The following CPEB3 variants were observed in gnomAD, a reference collection of about 807,000 sequenced individuals.
The protein encoded by CPEB3 is cytoplasmic polyadenylation element binding protein 3, also known as cytoplasmic polyadenylation element-binding protein 3.
CPEB3 carries 20 observed loss-of-function variants against 67.2 expected under a neutral mutation model. The observed-to-expected ratio is 0.30, with a 90% CI of 0.21 to 0.43. The LOEUF is 0.43. Ranked by LOEUF, CPEB3 falls within the 20% of genes least tolerant of loss-of-function variation. The pLI is 1.00. For synonymous variants in CPEB3, 376 were observed against 393.1 expected (o/e 0.96, Z 0.51); for missense variants, 746 against 968.6 (o/e 0.77, Z 3.05).
intron 1 of CPEB3, among the ~76,000 whole-genome samples, chr10:92,269,556 C>T (rs1335431173): frequency 1.3e-5 from 2 of 151,902 alleles, no homozygotes; most frequent in Non-Finnish European, 2.9e-5. Flanking sequence ...GATGATTAAA[C>T]CTGAATTGTT....
At chr10:92,197,158 T>C (rs1849281204) in intron 2 of CPEB3, among the ~76,000 whole-genome samples, 1 of 152,164 alleles carries the variant, frequency 6.6e-6, no homozygotes, top group Admixed American at 6.5e-5. Flanking sequence ...TGAAAACATA[T>C]GACATGTGAA....
intron 4 of CPEB3, among the ~76,000 whole-genome samples, chr10:92,175,405 C>G (rs1272540554): frequency 1.3e-5 from 2 of 151,922 alleles, no homozygotes; most frequent in Admixed American, 6.6e-5. Flanking sequence ...AATATTCGCA[C>G]ATATGTCTTT....
intron 2 of CPEB3, among the ~76,000 whole-genome samples, chr10:92,236,077 T>C (rs997337047): frequency 2.0e-5 from 3 of 152,200 alleles, no homozygotes; most frequent in African/African-American, 7.2e-5. Flanking sequence ...TTCACATATA[T>C]AATTCCCCCC....
chr10:92,188,320 TAAAAAAAAAAAAAAA>T (rs756970118), intron 3 of CPEB3, among the ~76,000 whole-genome samples: 3 of 36,978 alleles, frequency 8.1e-5, no homozygotes, highest in Admixed American at 7.9e-4. Context: ...TAAGACATAG[TAAAAAAAAAAAAAAA>T]AAAAAAAAAA....
intron 4 of CPEB3, among the ~76,000 whole-genome samples, chr10:92,160,308 A>G (rs1847411160): frequency 6.6e-6 from 1 of 152,202 alleles, no homozygotes; most frequent in African/African-American, 2.4e-5. Context: ...AAGGGGATGC[A>G]TTCCAAAAAC....
intron 4 of CPEB3, among the ~76,000 whole-genome samples, chr10:92,155,471 T>C (rs538251428): frequency 2.8e-4 from 42 of 152,316 alleles, no homozygotes; most frequent in African/African-American, 1.0e-3. Flanking sequence ...AATGAATACA[T>C]CTCAGAGAAT....
rs943429286 is a variant in CPEB3 at position 92,239,758 on chromosome 10, T to C, written c.593A>G (p.Gln198Arg). 7.6e-5 allele frequency: 110 copies of C among 1,453,468 alleles called. No homozygotes were observed. The highest frequency in any genetic ancestry group is 9.8e-5 in the Non-Finnish European group (109 of 1,109,912). The allele number at this position is 1,453,468 out of a possible 1,614,324, so 90.0% of individuals were successfully genotyped here. ...QQRRSPASPS[Q>R]APYAQRSAAA... ...GGCGCTCCTCTGCGCGTAGGGCGCCTGGCTGGGGCTGGCGGGTGAGCGGCG... is the reference window on the plus strand; with the variant it reads ...GGCGCTCCTCTGCGCGTAGGGCGCCCGGCTGGGGCTGGCGGGTGAGCGGCG... The change falls in exon 2 of 10, where the codon CAG becomes CGG. Residue 198 changes from glutamine (Q) to arginine (R), a missense_variant. Transcript: ENST00000265997. The surrounding 1 kb of genome is among the most constrained non-coding windows in gnomAD (Gnocchi z 6.0).
chr10:92,289,756 T>TGTATTATATATTATAA, intron 1 of CPEB3, among the ~76,000 whole-genome samples: 1 of 121,030 alleles, frequency 8.3e-6, no homozygotes, highest in African/African-American at 3.6e-5. Context: ...TATATATATA[T>TGTATTATATATTATAA]ATGTATTATA....
intron 1 of CPEB3, among the ~76,000 whole-genome samples, chr10:92,270,472 T>C (rs1853256150): frequency 1.3e-5 from 2 of 151,104 alleles, no homozygotes; most frequent in Non-Finnish European, 1.5e-5. Context: ...AGAGTTCAAC[T>C]GGGAAACAGG....
At chr10:92,098,201 T>A (rs1372070259) in intron 7 of CPEB3, among the ~76,000 whole-genome samples, 1 of 116,432 alleles carries the variant, frequency 8.6e-6, no homozygotes. Context: ...AAAAAAAAAA[T>A]CTGTTCAATG....
intron 4 of CPEB3, among the ~76,000 whole-genome samples, chr10:92,168,723 GC>G (rs1490057432): frequency 1.3e-5 from 2 of 151,292 alleles, no homozygotes; most frequent in Non-Finnish European, 2.9e-5. Context: ...TTCCCCTTCT[GC>G]CATGATTGTA....
At chr10:92,232,622 G>C (rs1229956891) in intron 2 of CPEB3, among the ~76,000 whole-genome samples, 1 of 151,932 alleles carries the variant, frequency 6.6e-6, no homozygotes, top group African/African-American at 2.4e-5. Flanking sequence ...GCCGGGCATG[G>C]TGGCAGGCGC....
At chr10:92,194,158 G>C (rs553701645) in intron 2 of CPEB3, among the ~76,000 whole-genome samples, 1 of 151,372 alleles carries the variant, frequency 6.6e-6, no homozygotes, top group Admixed American at 6.6e-5. Context: ...AAATAAAAAT[G>C]TGGCCAGGCG....
chr10:92,238,901 G>A (rs1851670106), intron 2 of CPEB3, among the ~76,000 whole-genome samples: 1 of 152,212 alleles, frequency 6.6e-6, no homozygotes, highest in Admixed American at 6.5e-5. Context: ...AGTAAAGTCA[G>A]GGTGGTTTGG....
Position 92,192,508 on chromosome 10 carries a change from G to A in CPEB3, c.1134C>T (p.Phe378=), listed in dbSNP as rs539940290. 30 of 1,613,860 alleles carry A rather than the reference G, an allele frequency of 1.9e-5. No homozygotes were observed. The highest frequency in any genetic ancestry group is 3.3e-4 in the Middle Eastern group (2 of 6,062). ...AATGATTCCTCCACATTATATCAGC[G>A]AAACTCATTGGTGGGCCACTGGGAG... ...HYPPSGPPMS[F]ADIMWRNHFA... The change falls in exon 3 of 10, where the codon TTC becomes TTT. Residue 378 remains phenylalanine, a synonymous_variant. Coordinates refer to ENST00000265997, the MANE Select transcript of CPEB3 (RefSeq NM_014912.5).
chr10:92,093,518 T>G lies in CPEB3; in HGVS notation c.1573-1574A>C, dbSNP rs558003996. 4.8e-3 allele frequency among the ~76,000 whole-genome samples: 728 copies of G among 152,166 alleles called. 5 individuals are homozygous for G. Among genetic ancestry groups the G allele is most frequent in the Admixed American group, 0.012 (190 of 15,268 alleles). ...GAAACAGTCTACACTTTTTTTTTTTTGGGAGATGGAGTTTCCCCTTTTTGC... is the reference window on the plus strand; with the variant it reads ...GAAACAGTCTACACTTTTTTTTTTTGGGGAGATGGAGTTTCCCCTTTTTGC... On this transcript the variant is annotated intron_variant, in intron 7 of 9. Transcript: ENST00000265997.
intron 1 of CPEB3, among the ~76,000 whole-genome samples, chr10:92,246,710 G>C (rs960317466): frequency 1.3e-5 from 2 of 151,830 alleles, no homozygotes; most frequent in South Asian, 2.1e-4. Context: ...GGGTTTCACC[G>C]TGTCAGCCAG....
At position 92,099,762 on chromosome 10, in the gene CPEB3, G is replaced by A. The variant is rs561265976; in HGVS notation, c.1573-7818C>T. 2.0e-5 allele frequency among the ~76,000 whole-genome samples: 3 copies of A among 151,994 alleles called. No homozygotes were observed. In the South Asian group the frequency reaches 6.2e-4, roughly 32 times the overall value. The stretch of plus-strand genomic sequence containing the variant: ...GCCTAAAATCCCAGCTTCTCGGGAG[G>A]CTGAGGCAGGAGAATTGCCTGAATC... On this transcript the variant is annotated intron_variant, in intron 7 of 9. Coordinates refer to ENST00000265997, the MANE Select transcript of CPEB3 (RefSeq NM_014912.5).
chr10:92,181,367 CAAA>C (rs55896574), intron 3 of CPEB3, among the ~76,000 whole-genome samples: 3 of 95,404 alleles, frequency 3.1e-5, no homozygotes, highest in African/African-American at 4.3e-5. Context: ...ATTCAAGCAG[CAAA>C]AAAAAAAAAA....
Sources: allele counts gnomAD v4.1 joint callset (sites outside exome capture counted in the v4.1 genomes callset), GRCh38; gene constraint gnomAD v4.1.1; non-coding constraint Gnocchi (gnomAD v3.1); transcripts MANE v1.5; gene names NCBI Gene and HGNC (gene_info 2026-07-23, HGNC 2026-07-21).